Variants in SLIT3 observed in about 807,000 individuals in gnomAD.
The protein encoded by SLIT3 is slit guidance ligand 3, also known as slit homolog 3 protein.
Under a neutral mutation model 184.0 loss-of-function variants are expected in SLIT3, and 68 were observed. That is an observed-to-expected ratio of 0.37 (90% CI 0.30 to 0.45). SLIT3 has a LOEUF of 0.45. Ranked by LOEUF, SLIT3 falls within the 20% of genes least tolerant of loss-of-function variation. The probability of loss-of-function intolerance (pLI) is 1.00; values close to 1 mark genes in which losing one functional copy is unlikely to be tolerated. For missense variants in SLIT3, 1,707 were observed against 2,026.0 expected (o/e 0.84, Z 3.02); for synonymous variants, 831 against 828.6 (o/e 1.00, Z -0.05).
chr5:169,010,909 C>CAA (rs532475548), intron 4 of SLIT3, among the ~76,000 whole-genome samples: 1,923 of 68,250 alleles, frequency 0.028, 40 homozygotes, highest in African/African-American at 0.092. Flanking sequence ...ACTCTGTTTC[C>CAA]AAAAAAAAAA....
At chr5:169,257,428 C>T (rs1467154612) in intron 1 of SLIT3, among the ~76,000 whole-genome samples, 1 of 145,736 alleles carries the variant, frequency 6.9e-6, no homozygotes, top group East Asian at 2.1e-4. Flanking sequence ...AAACTCAGAC[C>T]TATTCAAGAA....
chr5:168,828,105 C>G (rs984973672), intron 6 of SLIT3, among the ~76,000 whole-genome samples: 1 of 152,152 alleles, frequency 6.6e-6, no homozygotes, highest in Admixed American at 6.5e-5. Context: ...CAGAGGCATT[C>G]AAAACTTAAA....
At chr5:169,271,363 G>A (rs979465548) in intron 1 of SLIT3, among the ~76,000 whole-genome samples, 1 of 152,104 alleles carries the variant, frequency 6.6e-6, no homozygotes, top group African/African-American at 2.4e-5. Context: ...AGTCTCCTAC[G>A]CTCATTCCTG....
chr5:168,748,812 T>C (rs912828314), intron 19 of SLIT3, among the ~76,000 whole-genome samples: 5 of 152,180 alleles, frequency 3.3e-5, no homozygotes, highest in African/African-American at 9.7e-5. Flanking sequence ...CTCCGGGGTG[T>C]TGAGTATGTC....
chr5:168,887,561 G>C (rs1016286213), intron 4 of SLIT3, among the ~76,000 whole-genome samples: 1 of 152,130 alleles, frequency 6.6e-6, no homozygotes, highest in East Asian at 1.9e-4. Flanking sequence ...GTAGAGCACC[G>C]TGTGGAATCA....
At chr5:168,745,192 G>C (rs1203785848) in intron 20 of SLIT3, among the ~76,000 whole-genome samples, 1 of 152,216 alleles carries the variant, frequency 6.6e-6, no homozygotes, top group Non-Finnish European at 1.5e-5. Context: ...ACTAGAATTA[G>C]AAGTGGAGCC....
At chr5:169,041,713 TAGG>T (rs1165265706) in intron 4 of SLIT3, among the ~76,000 whole-genome samples, 1 of 152,214 alleles carries the variant, frequency 6.6e-6, no homozygotes, top group Non-Finnish European at 1.5e-5. Flanking sequence ...ATATATATTA[TAGG>T]AGTTTGAAGA....
chr5:169,211,453 T>C lies in SLIT3; in HGVS notation c.342-17903A>G, dbSNP rs75428180. On this transcript the variant is annotated intron_variant, in intron 3 of 35. Coordinates refer to ENST00000519560, the MANE Select transcript of SLIT3 (RefSeq NM_003062.4). Reference sequence around the variant, plus strand: ...AAGTCTAAGTGCTTACAATGGGCCATATATCCCTACATGATCTGTCCATCT... The same window carrying C: ...AAGTCTAAGTGCTTACAATGGGCCACATATCCCTACATGATCTGTCCATCT... Among the ~76,000 whole-genome samples, 624 of 152,276 alleles carry C rather than the reference T, an allele frequency of 4.1e-3. 4 individuals are homozygous for C. Among genetic ancestry groups the C allele is most frequent in the Middle Eastern group, 0.02 (6 of 294 alleles).
intron 3 of SLIT3, among the ~76,000 whole-genome samples, chr5:169,206,806 G>A (rs191095316): frequency 3.5e-4 from 54 of 152,246 alleles, no homozygotes; most frequent in African/African-American, 1.2e-3. Flanking sequence ...GCCAAAGAAC[G>A]TAGAATAATT....
intron 4 of SLIT3, among the ~76,000 whole-genome samples, chr5:169,010,458 T>C (rs1432635841): frequency 6.6e-6 from 1 of 152,180 alleles, no homozygotes; most frequent in Non-Finnish European, 1.5e-5. Context: ...GGATGCCCTG[T>C]ACTGGGTGTC....
intron 20 of SLIT3, among the ~76,000 whole-genome samples, chr5:168,735,665 C>G (rs1441953387): frequency 3.3e-4 from 23 of 70,034 alleles, no homozygotes; most frequent in African/African-American, 1.5e-3. Flanking sequence ...GATAGATACA[C>G]ACACACACAC....
At chr5:169,056,116 C>T (rs1757994324) in intron 4 of SLIT3, among the ~76,000 whole-genome samples, 1 of 152,052 alleles carries the variant, frequency 6.6e-6, no homozygotes, top group Non-Finnish European at 1.5e-5. Context: ...GATGAAGGGG[C>T]TCGGAGGAGG....
chr5:168,792,377 A>G (rs910794271), intron 10 of SLIT3: 1 of 152,246 alleles, frequency 6.6e-6, no homozygotes, highest in African/African-American at 2.4e-5. Context: ...TGGGGCTACG[A>G]ATCTGTATAT....
At chr5:168,705,454 A>G (rs563086091) in intron 26 of SLIT3, among the ~76,000 whole-genome samples, 7 of 152,226 alleles carry the variant, frequency 4.6e-5, no homozygotes, top group African/African-American at 1.7e-4. Flanking sequence ...CATCATCACC[A>G]CCATCTGTAC....
chr5:169,012,326 T>C (rs1756187496), intron 4 of SLIT3: 1 of 152,174 alleles, frequency 6.6e-6, no homozygotes, highest in South Asian at 2.1e-4. Flanking sequence ...ACCAGCCTTG[T>C]GTTGGGGTGA....
At chr5:169,263,028 G>A (rs766438058) in intron 1 of SLIT3, among the ~76,000 whole-genome samples, 11 of 152,154 alleles carry the variant, frequency 7.2e-5, no homozygotes, top group Non-Finnish European at 1.6e-4. Flanking sequence ...TAATCCAATA[G>A]GACTGGTGTC....
intron 4 of SLIT3, among the ~76,000 whole-genome samples, chr5:168,980,142 C>G (rs562419185): frequency 1.3e-5 from 2 of 152,080 alleles, no homozygotes; most frequent in South Asian, 4.1e-4. Flanking sequence ...ATCTAGTAAC[C>G]ATTTGTTTGT....
intron 4 of SLIT3, among the ~76,000 whole-genome samples, chr5:169,050,578 C>G (rs1395672907): frequency 6.6e-6 from 1 of 152,168 alleles, no homozygotes; most frequent in African/African-American, 2.4e-5. Flanking sequence ...GCAGCAAGAC[C>G]AACGTTGTGT....
intron 8 of SLIT3, 102 bp from the exon 9 acceptor site, chr5:168,806,689 G>T: frequency 7.4e-7 from 1 of 1,350,942 alleles, no homozygotes; most frequent in Non-Finnish European, 1.0e-6. Context: ...TGACCTGACA[G>T]CCATCTGAGA....
Sources: allele counts gnomAD v4.1 joint callset (sites outside exome capture counted in the v4.1 genomes callset), GRCh38; gene constraint gnomAD v4.1.1; transcripts MANE v1.5; gene names NCBI Gene and HGNC (gene_info 2026-07-23, HGNC 2026-07-21).